SUOX: variants seen among roughly 807,000 people sequenced by gnomAD.
The protein encoded by SUOX is sulfite oxidase, mitochondrial.
SUOX carries 39 observed loss-of-function variants against 41.9 expected under a neutral mutation model. The observed-to-expected ratio is 0.93, with a 90% CI of 0.72 to 1.21. The LOEUF is 1.21. SUOX is among the 50% of genes most tolerant of loss of function. The pLI, the probability that SUOX is intolerant of heterozygous loss-of-function variation, is 0.00. For missense variants in SUOX, 633 were observed against 689.5 expected (o/e 0.92, Z 0.92); for synonymous variants, 220 against 268.4 (o/e 0.82, Z 1.76).
chr12:56,004,001 A>G lies in SUOX; in HGVS notation c.612A>G (p.Thr204=). 1 of 1,614,184 alleles carries G rather than the reference A, an allele frequency of 6.2e-7. No individual in the cohort carries two copies. Among genetic ancestry groups the G allele is most frequent in the Non-Finnish European group, 8.5e-7 (1 of 1,180,028 alleles). ...FNAEPPPELL[T]ENYITPNPIF... ...CAGAGCCTCCCCCTGAGCTGCTGAC[A>G]GAAAACTACATCACACCCAACCCTA... The change falls in exon 5 of 5, where the codon ACA becomes ACG. Residue 204 remains threonine (T), a synonymous_variant. Coordinates refer to ENST00000266971, the MANE Select transcript of SUOX (RefSeq NM_001032386.2). The surrounding 1 kb of genome is among the most constrained non-coding windows in gnomAD (Gnocchi z 4.5).
intron 2 of SUOX, chr12:56,001,828 C>A: frequency 1.2e-6 from 1 of 824,162 alleles, no homozygotes; most frequent in Non-Finnish European, 1.6e-6. Context: ...CACAGTTGTC[C>A]TCTGCTGACT....
Position 56,003,691 on chromosome 12 carries a change from G to A in SUOX, c.302G>A (p.Trp101Ter), listed in dbSNP as rs867210538. 8.1e-6 allele frequency: 13 copies of A among 1,613,420 alleles called. No homozygotes were observed. Among genetic ancestry groups the A allele is most frequent in the Non-Finnish European group, 7.6e-6 (9 of 1,179,598 alleles). The change falls in exon 5 of 5, where the codon TGG becomes TAG. Residue 101 changes from tryptophan (W) to a stop codon, truncating the protein, a stop_gained. Transcript: ENST00000266971. LOFTEE classifies it high-confidence loss of function. ...SSHTSPETGI[W>*]VTLGSEVFDV... ...CACACCAGCCCTGAGACTGGGATCT[G>A]GGTGACTCTGGGCTCTGAGGTCTTT... is the stretch of plus-strand genomic sequence containing the variant.
In SUOX at chr12:56,005,140, T is replaced by C; in HGVS notation, c.*113T>C. 5 of 1,207,000 alleles carry C rather than the reference T, an allele frequency of 4.1e-6. No homozygotes were observed. The highest frequency in any genetic ancestry group is 6.0e-6 in the Non-Finnish European group (5 of 831,484). 74.8% of individuals were successfully genotyped at this position (1,207,000 alleles called of 1,614,324 possible). Reference sequence around the variant, plus strand: ...TCACAACTCTGGCCTTCCTAAGCCATACCCAAGTACACATATAGCACATTT... The same window carrying C: ...TCACAACTCTGGCCTTCCTAAGCCACACCCAAGTACACATATAGCACATTT... On this transcript the variant is annotated 3_prime_UTR_variant, in exon 5 of 5. Transcript: ENST00000266971.
In SUOX at chr12:56,004,208, T is replaced by C. The variant is rs2136512159; in HGVS notation, c.819T>C (p.Thr273=). The C allele has an allele frequency of 1.2e-6, 2 of 1,614,034 alleles. No individual in the cohort carries two copies. The highest frequency in any genetic ancestry group is 3.3e-4 in the Middle Eastern group (2 of 6,062). The change falls in exon 5 of 5, where the codon ACT becomes ACC. Residue 273 remains threonine (T), a synonymous_variant. Coordinates refer to ENST00000266971, the MANE Select transcript of SUOX (RefSeq NM_001032386.2). The surrounding 1 kb of genome is among the most constrained non-coding windows in gnomAD (Gnocchi z 4.5). ...CCGGCAACCGACGCTCTGAGATGAC[T>C]CAGGTCAAAGAAGTAAAAGGTCTGG... ...QCAGNRRSEM[T]QVKEVKGLEW... is the part of the protein sequence containing the mutation.
At chr12:56,000,505 C>G (rs370845156) in intron 2 of SUOX, among the ~76,000 whole-genome samples, 5 of 152,198 alleles carry the variant, frequency 3.3e-5, no homozygotes, top group Non-Finnish European at 5.9e-5. Context: ...CGCTCAGCCC[C>G]GGTTCCCGCT....
chr12:56,001,929 G>C, intron 2 of SUOX: 1 of 1,306,902 alleles, frequency 7.7e-7, no homozygotes, highest in South Asian at 1.6e-5. Context: ...ACAAAGTTCA[G>C]AATGGAAGAT....
At chr12:56,002,461 C>A in intron 3 of SUOX, 82 bp from the exon 4 acceptor site, 1 of 1,590,168 alleles carries the variant, frequency 6.3e-7, no homozygotes, top group Non-Finnish European at 8.6e-7. Context: ...AATGGCCAAC[C>A]AGGGAGAAAG....
chr12:56,001,987 A>G (rs1890547001), intron 2 of SUOX: 2 of 1,420,466 alleles, frequency 1.4e-6, no homozygotes, highest in Admixed American at 2.5e-5. Context: ...CTCCTACCCC[A>G]TTCCCCACCC....
rs1890622344 is a variant in SUOX at position 56,003,767 on chromosome 12, GCTAGCAGCTGGGGGTCCCCTAGAGCC to G, written c.381_406del (p.Ala128LeufsTer14). The G allele has an allele frequency of 6.8e-6, 11 of 1,613,930 alleles. No individual in the cohort carries two copies. Among genetic ancestry groups the G allele is most frequent in the Non-Finnish European group, 9.3e-6 (11 of 1,179,888 alleles). ...ATCCAGGGGGGCCTTCAAAGCTGATGCTAGCAGCTGGGGGTCCCCTAGAGCCCTTCTGGGCCCTCTATGCTGTTCAC... is the reference window on the plus strand; with the variant it reads ...ATCCAGGGGGGCCTTCAAAGCTGATGCTTCTGGGCCCTCTATGCTGTTCAC... On this transcript the variant is annotated frameshift_variant, in exon 5 of 5. Transcript: ENST00000266971. LOFTEE classifies it high-confidence loss of function.
At chr12:56,002,186 T>G in intron 2 of SUOX, 26 bp from the exon 3 acceptor site, 1 of 1,612,734 alleles carries the variant, frequency 6.2e-7, no homozygotes, top group Non-Finnish European at 8.5e-7. Context: ...TCTCCCTATC[T>G]TGATCCCAGA....
Position 56,004,801 on chromosome 12 carries a change from A to G in SUOX, c.1412A>G (p.Gln471Arg). 6.2e-7 allele frequency: 1 copy of G among 1,614,116 alleles called. No homozygotes were observed. The highest frequency in any genetic ancestry group is 2.2e-5 in the East Asian group (1 of 44,858). The part of the protein sequence containing the change: ...DVSLDGGLTW[Q>R]VAKLDGEEQR... Reference sequence around the variant, plus strand: ...TCTCTGGATGGGGGCCTAACCTGGCAGGTGGCTAAGCTGGATGGAGAGGAA... The same window carrying G: ...TCTCTGGATGGGGGCCTAACCTGGCGGGTGGCTAAGCTGGATGGAGAGGAA... The change falls in exon 5 of 5, where the codon CAG (glutamine) becomes CGG (arginine). Residue 471 changes from glutamine (Q) to arginine (R), a missense_variant. Physicochemically the swap from Gln to Arg is conservative, Grantham distance 43. Coordinates refer to ENST00000266971, the MANE Select transcript of SUOX (RefSeq NM_001032386.2). This position sits in a 1 kb window ranked among gnomAD's most constrained non-coding sequence, Gnocchi z 4.5.
chr12:56,000,984 G>A (rs151089076), intron 2 of SUOX, among the ~76,000 whole-genome samples: 5 of 151,608 alleles, frequency 3.3e-5, no homozygotes, highest in Non-Finnish European at 4.4e-5. Flanking sequence ...ATGAGGTTTC[G>A]CCGCGTTAGC....
At position 56,002,267 on chromosome 12, in the gene SUOX, T is replaced by C; in HGVS notation, c.46T>C (p.Cys16Arg). The change falls in exon 3 of 5, where the codon TGC becomes CGC. Residue 16 changes from cysteine (C) to arginine (R), a missense_variant. Coordinates refer to ENST00000266971, the MANE Select transcript of SUOX (RefSeq NM_001032386.2). ...TGTGGTCCTCAGGCTCCAACAGGCC[T>C]GCAGGTAGGCCAGCCCATCCCAGGA... ...RAVVLRLQQACRLKSIPSRIC... is the reference protein window; with the variant it reads ...RAVVLRLQQARRLKSIPSRIC... 6.2e-7 allele frequency: 1 copy of C among 1,611,772 alleles called. No individual in the cohort carries two copies. Among genetic ancestry groups the C allele is most frequent in the Non-Finnish European group, 8.5e-7 (1 of 1,180,018 alleles).
intron 2 of SUOX, chr12:56,001,905 G>C (rs7963590): frequency 7.2e-6 from 9 of 1,256,052 alleles, no homozygotes; most frequent in Non-Finnish European, 8.1e-6. Flanking sequence ...CCCAGGCATC[G>C]TTCTCTATGG....
Position 56,004,222 on chromosome 12 carries a change from T to C in SUOX, c.833T>C (p.Val278Ala), listed in dbSNP as rs1565798923. The change falls in exon 5 of 5, where the codon GTA becomes GCA. Residue 278 changes from valine (V) to alanine (A), a missense_variant. By Grantham distance (64) the Val-to-Ala change is moderately conservative. Transcript: ENST00000266971. The surrounding 1 kb of genome is among the most constrained non-coding windows in gnomAD (Gnocchi z 4.5). ...RRSEMTQVKE[V>A]KGLEWRTGAI... ...TCTGAGATGACTCAGGTCAAAGAAG[T>C]AAAAGGTCTGGAGTGGAGAACAGGA... 4 of 1,613,674 alleles carry C rather than the reference T, an allele frequency of 2.5e-6. No homozygotes were observed. The highest frequency in any genetic ancestry group is 3.4e-6 in the Non-Finnish European group (4 of 1,179,950).
chr12:56,001,118 C>CTTT (rs1234069085), intron 2 of SUOX, among the ~76,000 whole-genome samples: 1,307 of 51,234 alleles, frequency 0.026, 25 homozygotes, highest in East Asian at 0.049. Context: ...GTTAATCTCT[C>CTTT]TTTTTTTTTT....
intron 2 of SUOX, among the ~76,000 whole-genome samples, chr12:55,998,553 GA>G (rs199707901): frequency 0.021 from 3,218 of 151,998 alleles, 51 homozygotes; most frequent in Non-Finnish European, 0.03. Flanking sequence ...GGGGCAGGGG[GA>G]GGGGAGGGGA....
At chr12:56,002,133 T>C (rs964889776) in intron 2 of SUOX, 79 bp from the exon 3 acceptor site, 2 of 1,583,042 alleles carry the variant, frequency 1.3e-6, no homozygotes, top group African/African-American at 2.7e-5. Flanking sequence ...TGTGTCTTCC[T>C]CTCACCCATT....
intron 2 of SUOX, chr12:56,001,904 C>T (rs138320206): frequency 1.6e-6 from 2 of 1,254,010 alleles, no homozygotes; most frequent in Admixed American, 3.4e-5. Flanking sequence ...CCCCAGGCAT[C>T]GTTCTCTATG....
Sources: allele counts gnomAD v4.1 joint callset (sites outside exome capture counted in the v4.1 genomes callset), GRCh38; gene constraint gnomAD v4.1.1; non-coding constraint Gnocchi (gnomAD v3.1); transcripts MANE v1.5; gene names NCBI Gene and HGNC (gene_info 2026-07-23, HGNC 2026-07-21).